Variants in ASB2 observed in about 807,000 individuals in gnomAD.
ASB2 encodes ankyrin repeat and SOCS box containing 2.
Under a neutral mutation model 62.4 loss-of-function variants are expected in ASB2, and 58 were observed. The observed-to-expected ratio is 0.93, with a 90% CI of 0.75 to 1.16. ASB2 has a LOEUF of 1.16. Ranked by LOEUF, ASB2 falls within the 50% of genes most tolerant of loss-of-function variation. The pLI is 0.00. For synonymous variants in ASB2, 386 were observed against 385.3 expected (o/e 1.00, Z -0.02); for missense variants, 928 against 887.9 (o/e 1.05, Z -0.57).
chr14:93,949,653 G>A (rs752975674), intron 6 of ASB2, among the ~76,000 whole-genome samples: 6 of 152,104 alleles, frequency 3.9e-5, no homozygotes, highest in Non-Finnish European at 7.4e-5. Context: ...CAGCAAAGCC[G>A]CCTGCTTGCA....
chr14:93,956,652 C>T, intron 3 of ASB2, 114 bp downstream of exon 3: 2 of 1,428,254 alleles, frequency 1.4e-6, no homozygotes, highest in Non-Finnish European at 2.0e-6. Context: ...TGGCAGGTGC[C>T]TCCATAGTGC....
chr14:93,948,986 T>C (rs1888845212), intron 6 of ASB2, among the ~76,000 whole-genome samples: 1 of 152,204 alleles, frequency 6.6e-6, no homozygotes. Context: ...TCCATGCTGC[T>C]AGAAGGAGGA....
At chr14:93,963,711 G>A (rs1004174957) in intron 2 of ASB2, among the ~76,000 whole-genome samples, 1 of 152,212 alleles carries the variant, frequency 6.6e-6, no homozygotes, top group African/African-American at 2.4e-5. Context: ...GTCTCTTGGT[G>A]GAAATGGTGA....
chr14:93,935,378 G>A (rs909709415), intron 9 of ASB2, among the ~76,000 whole-genome samples: 4 of 152,310 alleles, frequency 2.6e-5, no homozygotes, highest in Non-Finnish European at 4.4e-5. Flanking sequence ...AGGGATGAAC[G>A]CATCCAGTAA....
At position 93,954,072 on chromosome 14, in the gene ASB2, C is replaced by G. The variant is rs926375672; in HGVS notation, c.478+245G>C. 37 of 547,170 alleles carry G rather than the reference C, an allele frequency of 6.8e-5. No individual in the cohort carries two copies. In the African/African-American group the frequency reaches 6.9e-4, roughly 10 times the overall value. 33.9% of individuals were successfully genotyped at this position (547,170 alleles called of 1,614,324 possible). On this transcript the variant is annotated intron_variant, in intron 4 of 9. Transcript: ENST00000555019. ...GCAGTGGTTCTTCTAAAAGTCAGCC[C>G]TCCCTCATTCCTTTTCTAGGAATTA...
At chr14:93,939,987 C>G (rs1345157738) in intron 7 of ASB2, 1 of 343,044 alleles carries the variant, frequency 2.9e-6, no homozygotes. Flanking sequence ...CCTCCGAAGT[C>G]TGAGTTCTTA....
intron 6 of ASB2, chr14:93,948,367 T>A (rs901451472): frequency 6.5e-6 from 1 of 154,108 alleles, no homozygotes; most frequent in African/African-American, 2.4e-5. Flanking sequence ...GGGCCTGGGC[T>A]CTGCCCTGAG....
chr14:93,953,706 C>T (rs368594755), intron 4 of ASB2, among the ~76,000 whole-genome samples, 199 bp from the exon 5 acceptor site: 3 of 152,230 alleles, frequency 2.0e-5, no homozygotes, highest in East Asian at 1.9e-4. Context: ...TCAGATGCCA[C>T]GTCCTCTGAG....
chr14:93,940,009 C>G (rs1888457885), intron 7 of ASB2: 1 of 307,832 alleles, frequency 3.2e-6, no homozygotes. Context: ...AAACCTCAGC[C>G]AGACTGCACT....
Position 93,939,212 on chromosome 14 carries a change from A to G in ASB2, c.1513T>C (p.Cys505Arg). The G allele has an allele frequency of 6.2e-7, 1 of 1,607,178 alleles. No individual in the cohort carries two copies. ...LMDLGCDGEP[C>R]FSCLYGNGPH... The stretch of plus-strand genomic sequence containing the variant: ...CCGTTGCCGTAGAGGCATGAGAAGC[A>G]GGGCTCGCCGTCGCAGCCCAGGTCC... The change falls in exon 8 of 10, where the codon TGC (cysteine) becomes CGC (arginine). Residue 505 changes from cysteine (C) to arginine (R), a missense_variant. Cys to Arg is a radical substitution (Grantham distance 180). Transcript: ENST00000555019.
At position 93,951,194 on chromosome 14, in the gene ASB2, C is replaced by G. The variant is rs148863532; in HGVS notation, c.685G>C (p.Ala229Pro). 4.3e-6 allele frequency: 7 copies of G among 1,612,786 alleles called. No homozygotes were observed. The African/African-American group carries it at 6.7e-5, about 15-fold the overall frequency. Residue 229 changes from alanine (A) to proline (P), a missense_variant, in exon 6 of 10, where the codon GCA becomes CCA. Transcript: ENST00000555019. The stretch of plus-strand genomic sequence containing the variant: ...CGGTTGCAGCGGTGGTTGGTGTCTG[C>G]ATTGTGCTGCACCAGAATCTTCACG... Reference protein sequence around the residue: ...EAVKILVQHNADTNHRCNRGW... With the variant: ...EAVKILVQHNPDTNHRCNRGW...
intron 7 of ASB2, among the ~76,000 whole-genome samples, chr14:93,942,829 G>T (rs1053354759): frequency 2.7e-5 from 4 of 149,736 alleles, no homozygotes; most frequent in Non-Finnish European, 5.9e-5. Context: ...AAAGCAGAGG[G>T]GTAATTAATT....
intron 5 of ASB2, among the ~76,000 whole-genome samples, chr14:93,952,410 C>T (rs3790051): frequency 0.3 from 45,690 of 152,108 alleles, 8,946 homozygotes; most frequent in African/African-American, 0.56. Context: ...GGGTCTGCAG[C>T]GGATCCAGTG....
intron 5 of ASB2, among the ~76,000 whole-genome samples, chr14:93,952,994 G>A (rs1376948516): frequency 2.6e-5 from 4 of 152,198 alleles, no homozygotes; most frequent in African/African-American, 9.6e-5. Context: ...TTCCTCCTCT[G>A]TGGTTCAGCT....
chr14:93,957,409 A>T (rs1277897522), intron 2 of ASB2: 1 of 1,011,980 alleles, frequency 9.9e-7, no homozygotes, highest in Non-Finnish European at 1.2e-6. Flanking sequence ...AGGAGCAGAC[A>T]CTATAGTAAC....
chr14:93,942,065 A>C (rs895153999), intron 7 of ASB2: 1 of 430,198 alleles, frequency 2.3e-6, no homozygotes, highest in Admixed American at 2.4e-5. Flanking sequence ...TCTCCTCCCA[A>C]CTATGGGAGC....
chr14:93,972,135 C>T lies in ASB2; in HGVS notation c.-74+4299G>A, dbSNP rs59681176. The stretch of plus-strand genomic sequence containing the variant: ...AAGGTCTCCCAAATATCACATGACC[C>T]GTAGCTAAGGCAATCCTGAAACCTG... On this transcript the variant is annotated intron_variant, in intron 1 of 9. Coordinates refer to ENST00000555019, the MANE Select transcript of ASB2 (RefSeq NM_001202429.2). Among the ~76,000 whole-genome samples, 1,380 of 151,344 alleles carry T rather than the reference C, an allele frequency of 9.1e-3. 28 individuals carry two copies. The highest frequency in any genetic ancestry group is 0.032 in the African/African-American group (1,300 of 41,260).
At chr14:93,954,044 T>G (rs185206724) in intron 4 of ASB2, 1 of 524,316 alleles carries the variant, frequency 1.9e-6, no homozygotes, top group Admixed American at 3.5e-5. Flanking sequence ...CTGGAACAAG[T>G]TGGCAGTGGT....
intron 7 of ASB2, among the ~76,000 whole-genome samples, chr14:93,946,193 G>A (rs1371675353): frequency 6.6e-6 from 1 of 152,224 alleles, no homozygotes; most frequent in Non-Finnish European, 1.5e-5. Context: ...TGGGGACGGG[G>A]CTTTCAAGGG....
Sources: gnomAD v4.1 joint callset for allele counts (sites outside exome capture counted in the v4.1 genomes callset) on GRCh38, gnomAD v4.1.1 for gene constraint, MANE v1.5 for transcripts, NCBI Gene and HGNC (gene_info 2026-07-23, HGNC 2026-07-21) for gene names.